COPB2: variants seen among roughly 807,000 people sequenced by gnomAD.
COPB2 encodes the protein coat protein complex I subunit beta 2, also known as coatomer subunit beta'.
A neutral mutation model predicts 120.8 loss-of-function variants in COPB2; 16 were observed. The observed-to-expected ratio is 0.13, with a 90% CI of 0.09 to 0.20. The LOEUF (loss-of-function observed/expected upper bound fraction) is 0.20, where lower values mean the gene tolerates loss of function less well. Ranked by LOEUF, COPB2 falls within the 10% of genes least tolerant of loss-of-function variation. COPB2 has a pLI of 1.00. For missense variants in COPB2, 794 were observed against 1,076.5 expected (o/e 0.74, Z 3.67); for synonymous variants, 332 against 366.3 (o/e 0.91, Z 1.07).
rs767358871 is a variant in COPB2, at chr3:139,373,414, TGAAA to T, written c.895-6_895-3del. On this transcript the variant is annotated splice_polypyrimidine_tract_variant and splice_region_variant and intron_variant, in intron 8 of 21. Transcript: ENST00000333188. ...CATGGCAGGTTCCTCCCGACCAAGCTGAAAGAAAGAAAAATAGCTCTCAGCAATG... is the reference window on the plus strand; with the variant it reads ...CATGGCAGGTTCCTCCCGACCAAGCTGAAAGAAAAATAGCTCTCAGCAATG... The T allele has an allele frequency of 2.5e-6, 4 of 1,613,894 alleles. No individual in the cohort carries two copies. Among genetic ancestry groups the T allele is most frequent in the African/African-American group, 1.3e-5 (1 of 74,970 alleles).
chr3:139,384,605 A>G (rs890515133), intron 1 of COPB2, among the ~76,000 whole-genome samples: 1 of 152,240 alleles, frequency 6.6e-6, no homozygotes, highest in African/African-American at 2.4e-5. Context: ...CCCTTGAGAC[A>G]ACTACGATAC....
rs1404059035 is a variant in COPB2 at position 139,379,098 on chromosome 3, T to C, written c.304A>G (p.Ile102Val). 6.2e-7 allele frequency: 1 copy of C among 1,612,894 alleles called. No homozygotes were observed. The highest frequency in any genetic ancestry group is 8.5e-7 in the Non-Finnish European group (1 of 1,179,676). The change falls in exon 4 of 22, where the codon ATT becomes GTT. Residue 102 changes from isoleucine to valine, a missense_variant. Physicochemically the swap from Ile to Val is conservative, Grantham distance 29. Around this residue, in one of 3 missense-constraint regions of COPB2, gnomAD observed 610 missense variants for 866.7 expected, o/e 0.70. Coordinates refer to ENST00000333188, the MANE Select transcript of COPB2 (RefSeq NM_004766.3). ...GTTGGATGAACAGCAATACAGCGAA[T>C]GTAGTCTGAGTGTGCTTCAAACATA... is the stretch of plus-strand genomic sequence containing the variant. The part of the protein sequence containing the change: ...VHMFEAHSDY[I>V]RCIAVHPTQP...
Position 139,373,780 on chromosome 3 carries a change from G to GA in COPB2, c.779_780insT (p.Tyr261LeufsTer4). On this transcript the variant is annotated frameshift_variant, in exon 8 of 22. Coordinates refer to ENST00000333188, the MANE Select transcript of COPB2 (RefSeq NM_004766.3). LOFTEE classifies it high-confidence loss of function. ...AATTCAGTGTGCTCTCAAGCCGGTA[G>GA]GTGCTTGAATGCCAAATACGTACTG... The GA allele has an allele frequency of 6.2e-7, 1 of 1,614,062 alleles. No homozygotes were observed.
chr3:139,362,212 A>C (rs1158284151), intron 16 of COPB2, among the ~76,000 whole-genome samples, 195 bp downstream of exon 16: 2 of 152,244 alleles, frequency 1.3e-5, no homozygotes, highest in Non-Finnish European at 2.9e-5. Context: ...GAATATCTCC[A>C]ATGTAATCAA....
intron 9 of COPB2, 40 bp from the exon 10 acceptor site, chr3:139,371,873 C>T: frequency 6.8e-7 from 1 of 1,480,940 alleles, no homozygotes; most frequent in South Asian, 1.1e-5. Context: ...TACAGAGGAC[C>T]AAAGACATGT....
rs1208849148 is a variant in COPB2, at chr3:139,361,235, C to T, written c.2056G>A (p.Ala686Thr). The stretch of plus-strand genomic sequence containing the variant: ...TGTGCATGATGCAGGCACTCCTGGG[C>T]TAGGCCAAACTGACATTTACTAATG... ...LAISKCQFGL[A>T]QECLHHAQDY... Residue 686 changes from alanine to threonine, a missense_variant, in exon 17 of 22, where the codon GCC becomes ACC. Ala to Thr is a moderately conservative substitution (Grantham distance 58). Around this residue, in one of 3 missense-constraint regions of COPB2, gnomAD observed 610 missense variants for 866.7 expected, o/e 0.70. Transcript: ENST00000333188. The T allele has an allele frequency of 6.2e-7, 1 of 1,614,218 alleles. No homozygotes were observed. The highest frequency in any genetic ancestry group is 1.7e-5 in the Admixed American group (1 of 60,028).
intron 17 of COPB2, among the ~76,000 whole-genome samples, chr3:139,360,241 G>A (rs962301362): frequency 3.3e-5 from 5 of 151,076 alleles, no homozygotes; most frequent in Non-Finnish European, 7.4e-5. Flanking sequence ...GAATACTTTC[G>A]GGCTGGGCGT....
In COPB2 at chr3:139,383,394, A is replaced by C. The variant is rs774396539; in HGVS notation, c.45T>G (p.Ser15=). Residue 15 remains serine, a synonymous_variant, in exon 2 of 22, where the codon TCT becomes TCG. Coordinates refer to ENST00000333188, the MANE Select transcript of COPB2 (RefSeq NM_004766.3). ...GCAGATCCACACTCTTAACTCGATC[A>C]GATCTAGCAGTTAGCTTTCTTTTGA... is the stretch of plus-strand genomic sequence containing the variant. The part of the protein sequence containing the change: ...LDIKRKLTAR[S]DRVKSVDLHP... 9 of 1,589,696 alleles carry C rather than the reference A, an allele frequency of 5.7e-6. No individual in the cohort carries two copies. The highest frequency in any genetic ancestry group is 1.8e-5 in the Admixed American group (1 of 55,102).
At chr3:139,367,938 C>G (rs1053905495) in intron 13 of COPB2, among the ~76,000 whole-genome samples, 11 of 152,150 alleles carry the variant, frequency 7.2e-5, no homozygotes, top group Admixed American at 7.2e-4. Flanking sequence ...TTCTTAAAAT[C>G]AAAGTACAAA....
At position 139,362,766 on chromosome 3, in the gene COPB2, T is replaced by C. The variant is rs550106376; in HGVS notation, c.1885-249A>G. ...GAATTCTTACTGTTTATTAGGATAA[T>C]GGAAGCTGGCTAATGTTAAACTCAA... On this transcript the variant is annotated intron_variant, in intron 15 of 21. Transcript: ENST00000333188. 2.0e-5 allele frequency among the ~76,000 whole-genome samples: 3 copies of C among 152,318 alleles called. No homozygotes were observed. In the East Asian group the frequency reaches 5.8e-4, roughly 29 times the overall value.
At chr3:139,382,186 T>C (rs997692861) in intron 2 of COPB2, 5 of 152,206 alleles carry the variant, frequency 3.3e-5, no homozygotes, top group African/African-American at 1.2e-4. Context: ...AGGAGGACCC[T>C]GGTGGGAGGT....
In COPB2 at chr3:139,389,532, C is replaced by T; in HGVS notation, c.3+16G>A. On this transcript the variant is annotated intron_variant, in intron 1 of 21. Coordinates refer to ENST00000333188, the MANE Select transcript of COPB2 (RefSeq NM_004766.3). The stretch of plus-strand genomic sequence containing the variant: ...ACCTATGGGACCCCGCTCCCTTCTA[C>T]GGGATCTGGACCTACCATGGCTGCG... 6.4e-7 allele frequency: 1 copy of T among 1,560,132 alleles called. No homozygotes were observed. The highest frequency in any genetic ancestry group is 8.7e-7 in the Non-Finnish European group (1 of 1,143,118).
chr3:139,377,378 G>A (rs970115044), intron 5 of COPB2, among the ~76,000 whole-genome samples: 1 of 152,224 alleles, frequency 6.6e-6, no homozygotes, highest in African/African-American at 2.4e-5. Flanking sequence ...AACCTTAAAA[G>A]CTGAGTAATT....
At chr3:139,385,822 G>A (rs964697933) in intron 1 of COPB2, among the ~76,000 whole-genome samples, 19 of 152,132 alleles carry the variant, frequency 1.2e-4, no homozygotes, top group African/African-American at 4.6e-4. Context: ...TTAGGGCAGT[G>A]GGCTTAATTC....
rs753376633 is a variant in COPB2 at position 139,375,488 on chromosome 3, C to G, written c.631G>C (p.Val211Leu). The change falls in exon 6 of 22, where the codon GTT becomes CTT. Residue 211 changes from valine to leucine, a missense_variant. Physicochemically the swap from Val to Leu is conservative, Grantham distance 32. Coordinates refer to ENST00000333188, the MANE Select transcript of COPB2 (RefSeq NM_004766.3). ...YLISGADDRL[V>L]KIWDYQNKTC... Reference sequence around the variant, plus strand: ...TGTACCTGATAATCCCATATTTTAACAAGACGGTCATCTGCACCTGAAATG... The same window carrying G: ...TGTACCTGATAATCCCATATTTTAAGAAGACGGTCATCTGCACCTGAAATG... The G allele has an allele frequency of 1.2e-6, 2 of 1,613,004 alleles. No homozygotes were observed. The highest frequency in any genetic ancestry group is 1.1e-5 in the South Asian group (1 of 90,906).
At chr3:139,369,571 T>G in intron 10 of COPB2, 27 bp from the exon 11 acceptor site, 1 of 1,360,590 alleles carries the variant, frequency 7.3e-7, no homozygotes, top group East Asian at 2.3e-5. Flanking sequence ...AAGGCAAACA[T>G]AACATGTTAT....
intron 7 of COPB2, chr3:139,374,246 G>A: frequency 2.0e-6 from 1 of 501,986 alleles, no homozygotes; most frequent in South Asian, 2.5e-5. Flanking sequence ...CTTTAGGACA[G>A]CTGACGGTCC....
At chr3:139,384,269 T>C (rs1253812016) in intron 1 of COPB2, among the ~76,000 whole-genome samples, 1 of 152,240 alleles carries the variant, frequency 6.6e-6, no homozygotes, top group African/African-American at 2.4e-5. Flanking sequence ...TGGAAAATGC[T>C]GGTCCACTGA....
chr3:139,359,422 TAACAC>T lies in COPB2; in HGVS notation c.2211-65_2211-61del, dbSNP rs1941368178. On this transcript the variant is annotated intron_variant, in intron 17 of 21. Coordinates refer to ENST00000333188, the MANE Select transcript of COPB2 (RefSeq NM_004766.3). ...AATAAACACTATAATAATGGGTACTTAACACAAAGTAAATTTAGTGTTACAAAGCC... is the reference window on the plus strand; with the variant it reads ...AATAAACACTATAATAATGGGTACTTAAAGTAAATTTAGTGTTACAAAGCC... The T allele has an allele frequency of 3.0e-5, 45 of 1,486,332 alleles. 2 individuals are homozygous for T. The Middle Eastern group carries it at 5.3e-4, about 17-fold the overall frequency. 92.1% of individuals were successfully genotyped at this position (1,486,332 alleles called of 1,614,324 possible).
Sources: allele counts gnomAD v4.1 joint callset (sites outside exome capture counted in the v4.1 genomes callset), GRCh38; gene constraint gnomAD v4.1.1; regional missense constraint gnomAD v4.1.1; transcripts MANE v1.5; gene names NCBI Gene and HGNC (gene_info 2026-07-23, HGNC 2026-07-21).